Variants in GPM6A observed in about 807,000 individuals in gnomAD.
GPM6A encodes the protein glycoprotein M6A.
GPM6A carries 7 observed loss-of-function variants against 32.1 expected under a neutral mutation model. The ratio of observed to expected loss-of-function variants is 0.22; its 90% CI spans 0.12 to 0.41. The LOEUF (loss-of-function observed/expected upper bound fraction) is 0.41, where lower values mean the gene tolerates loss of function less well. GPM6A is among the 10% of genes least tolerant of loss of function. The pLI, the probability that GPM6A is intolerant of heterozygous loss-of-function variation, is 1.00. For synonymous variants in GPM6A, 130 were observed against 123.4 expected, an observed-to-expected ratio of 1.05 and a Z score of -0.35; for missense variants, 235 against 347.2, an observed-to-expected ratio of 0.68 and a Z score of 2.57.
At chr4:175,685,882 T>C (rs987682314) in intron 2 of GPM6A, among the ~76,000 whole-genome samples, 1 of 152,112 alleles carries the variant, frequency 6.6e-6, no homozygotes, top group African/African-American at 2.4e-5. Context: ...TTTACTAACA[T>C]AACTTCTAGA....
chr4:175,762,139 G>T (rs1732771972), intron 1 of GPM6A, among the ~76,000 whole-genome samples: 1 of 152,186 alleles, frequency 6.6e-6, no homozygotes, highest in Admixed American at 6.5e-5. Context: ...TTCTTCAGAT[G>T]CAAGTGTCCT....
At chr4:175,923,330 G>A (rs1217493843) in intron 1 of GPM6A, among the ~76,000 whole-genome samples, 1 of 148,580 alleles carries the variant, frequency 6.7e-6, no homozygotes, top group Non-Finnish European at 1.5e-5. Context: ...AGAGAGCCAT[G>A]GGAATGTGTA....
intron 1 of GPM6A, among the ~76,000 whole-genome samples, chr4:175,875,017 A>G (rs1737037523): frequency 6.6e-6 from 1 of 152,158 alleles, no homozygotes; most frequent in Non-Finnish European, 1.5e-5. Context: ...CCTGCCTCCA[A>G]TTACAAAAGC....
intron 2 of GPM6A, among the ~76,000 whole-genome samples, chr4:175,691,927 G>T (rs535439365): frequency 6.6e-6 from 1 of 152,308 alleles, no homozygotes; most frequent in Non-Finnish European, 1.5e-5. Flanking sequence ...TTTGAAGATG[G>T]ACAGGGACCA....
intron 1 of GPM6A, among the ~76,000 whole-genome samples, chr4:175,855,417 G>T (rs1036210054): frequency 2.0e-5 from 3 of 152,110 alleles, no homozygotes; most frequent in Admixed American, 1.3e-4. Context: ...AGGAAAGAAT[G>T]CAGACTGTTA....
intron 1 of GPM6A, among the ~76,000 whole-genome samples, chr4:175,938,433 A>C (rs1399778075): frequency 6.6e-6 from 1 of 152,116 alleles, no homozygotes; most frequent in Non-Finnish European, 1.5e-5. Flanking sequence ...TGACTTTTTA[A>C]TGATCGCCAT....
intron 1 of GPM6A, among the ~76,000 whole-genome samples, chr4:175,784,076 A>G (rs1037225378): frequency 3.9e-5 from 6 of 152,098 alleles, no homozygotes; most frequent in African/African-American, 9.7e-5. Context: ...CACCTTAGCC[A>G]AGTGATCAAT....
upstream of GPM6A, chr4:175,812,625 G>T (rs907482806): frequency 4.6e-5 from 46 of 993,428 alleles, no homozygotes; most frequent in Admixed American, 6.1e-5. Context: ...ATGGGGAAAA[G>T]AAATTGAGGT....
At chr4:175,745,912 G>C (rs1732085794) in intron 1 of GPM6A, among the ~76,000 whole-genome samples, 1 of 152,086 alleles carries the variant, frequency 6.6e-6, no homozygotes. Context: ...ATATTTTAGA[G>C]AGATCACGCT....
At chr4:175,874,043 G>A (rs2111443934) in intron 1 of GPM6A, among the ~76,000 whole-genome samples, 1 of 152,150 alleles carries the variant, frequency 6.6e-6, no homozygotes, top group South Asian at 2.1e-4. Flanking sequence ...TAGAAAACTA[G>A]AGAAAAATAC....
At chr4:175,988,262 A>G (rs568747803) in intron 1 of GPM6A, among the ~76,000 whole-genome samples, 2 of 152,312 alleles carry the variant, frequency 1.3e-5, no homozygotes, top group Admixed American at 6.5e-5. Flanking sequence ...GCACCCAACA[A>G]CTTGGCAATT....
At chr4:175,943,654 T>C (rs1036934079) in intron 1 of GPM6A, among the ~76,000 whole-genome samples, 3 of 152,216 alleles carry the variant, frequency 2.0e-5, no homozygotes, top group Non-Finnish European at 2.9e-5. Context: ...GTTTTTGTCA[T>C]TGGTTCTGTT....
intron 1 of GPM6A, among the ~76,000 whole-genome samples, chr4:175,917,567 C>T (rs1013523485): frequency 1.3e-5 from 2 of 152,146 alleles, no homozygotes. Context: ...ATGTACGTTA[C>T]CATAGTAGTG....
At chr4:175,827,389 T>G (rs1735472169) in intron 1 of GPM6A, among the ~76,000 whole-genome samples, 1 of 152,176 alleles carries the variant, frequency 6.6e-6, no homozygotes, top group African/African-American at 2.4e-5. Flanking sequence ...AAAATAACCC[T>G]GTGAGGTACA....
At chr4:175,733,398 G>A (rs1029629461) in intron 1 of GPM6A, among the ~76,000 whole-genome samples, 5 of 152,140 alleles carry the variant, frequency 3.3e-5, no homozygotes, top group Admixed American at 6.5e-5. Flanking sequence ...AGCTACTCGG[G>A]AGGCTGAGGC....
chr4:175,662,605 C>A (rs1742493093), intron 3 of GPM6A, among the ~76,000 whole-genome samples: 3 of 151,940 alleles, frequency 2.0e-5, no homozygotes, highest in East Asian at 3.9e-4. Context: ...CTCAAAAAAA[C>A]CCAAAAACAA....
At chr4:175,652,029 C>T in intron 3 of GPM6A, 42 bp from the exon 4 acceptor site, 1 of 1,519,004 alleles carries the variant, frequency 6.6e-7, no homozygotes. Context: ...TGTAATCTAC[C>T]AAAAAAGAAG....
chr4:175,911,802 A>G (rs1382531983), intron 1 of GPM6A, among the ~76,000 whole-genome samples: 2 of 152,190 alleles, frequency 1.3e-5, no homozygotes, highest in Non-Finnish European at 2.9e-5. Flanking sequence ...TCTGAAGGTG[A>G]GTGATTGCAG....
intron 3 of GPM6A, among the ~76,000 whole-genome samples, chr4:175,652,286 A>G (rs1317331967): frequency 1.3e-5 from 2 of 152,094 alleles, no homozygotes; most frequent in Non-Finnish European, 2.9e-5. Flanking sequence ...CTCACCACAG[A>G]TTTTTTTTAA....
Sources: gnomAD v4.1 joint callset for allele counts (sites outside exome capture counted in the v4.1 genomes callset) on GRCh38, gnomAD v4.1.1 for gene constraint, MANE v1.5 for transcripts, NCBI Gene and HGNC (gene_info 2026-07-23, HGNC 2026-07-21) for gene names.